The following KDM5B variants were observed in gnomAD, a reference collection of about 807,000 sequenced individuals.
The protein encoded by KDM5B is lysine-specific demethylase 5B.
A neutral mutation model predicts 193.4 loss-of-function variants in KDM5B; 144 were observed. The ratio of observed to expected loss-of-function variants is 0.74; its 90% confidence interval spans 0.65 to 0.86. KDM5B has a LOEUF of 0.86. KDM5B is among the 40% of genes least tolerant of loss of function. The probability of loss-of-function intolerance (pLI) is 0.00; values close to 1 mark genes in which losing one functional copy is unlikely to be tolerated. For synonymous variants in KDM5B, 668 were observed against 682.6 expected, an observed-to-expected ratio of 0.98 and a Z score of 0.33; for missense variants, 1,833 against 1,886.9, an observed-to-expected ratio of 0.97 and a Z score of 0.53.
At chr1:202,794,094 C>A (rs1657745358) in intron 1 of KDM5B, among the ~76,000 whole-genome samples, 1 of 152,216 alleles carries the variant, frequency 6.6e-6, no homozygotes. Context: ...GTATAAACTT[C>A]TCTTATATCC....
rs932231086 is a variant in KDM5B, at chr1:202,792,242, A to C, written c.205-15148T>G. On this transcript the variant is annotated intron_variant, in intron 1 of 26. Transcript: ENST00000367265. ...TATATTTTGAGGGATTTTGGTGTTT[A>C]GATTTTTTTTTTTTTTTTGAGAATT... Among the ~76,000 whole-genome samples the C allele has an allele frequency of 6.0e-5, 9 of 149,402 alleles. No homozygotes were observed. The East Asian group carries it at 1.6e-3, about 27-fold the overall frequency.
intron 1 of KDM5B, among the ~76,000 whole-genome samples, chr1:202,788,593 T>C (rs1657510765): frequency 6.9e-6 from 1 of 145,008 alleles, no homozygotes; most frequent in South Asian, 2.2e-4. Flanking sequence ...GGTATTGGTA[T>C]TGGTAGGTCC....
chr1:202,750,690 G>C lies in KDM5B; in HGVS notation c.1790C>G (p.Ala597Gly). The C allele has an allele frequency of 6.2e-7, 1 of 1,613,888 alleles. No individual in the cohort carries two copies. Among genetic ancestry groups the C allele is most frequent in the Non-Finnish European group, 8.5e-7 (1 of 1,179,832 alleles). The change falls in exon 13 of 27, where the codon GCT becomes GGT. Residue 597 changes from alanine to glycine, a missense_variant. By Grantham distance (60) the Ala-to-Gly change is moderately conservative (BLOSUM62 0). Coordinates refer to ENST00000367265, the MANE Select transcript of KDM5B (RefSeq NM_006618.5). ...HSGFNQGFNF[A>G]EAVNFCTVDW... The stretch of plus-strand genomic sequence containing the variant: ...AACAGTGCAGAAGTTAACAGCCTCA[G>C]CAAAATTAAAACCCTGGTTAAAACC...
At chr1:202,760,374 A>T (rs756936485) in intron 8 of KDM5B, 41 bp downstream of exon 8, 9 of 1,445,476 alleles carry the variant, frequency 6.2e-6, no homozygotes, top group Non-Finnish European at 7.5e-6. Context: ...AAAATGCCCT[A>T]AAAAAATTTT....
chr1:202,744,298 G>A (rs1325066291), intron 16 of KDM5B, among the ~76,000 whole-genome samples: 1 of 152,190 alleles, frequency 6.6e-6, no homozygotes, highest in East Asian at 1.9e-4. Flanking sequence ...AGTGGCTCAC[G>A]CCTGTAATCC....
rs148390541 is a variant in KDM5B, at chr1:202,730,193, C to T, written c.4177-166G>A. On this transcript the variant is annotated intron_variant, in intron 25 of 26. Coordinates refer to ENST00000367265, the MANE Select transcript of KDM5B (RefSeq NM_006618.5). ...CCCCTCCCAGTCTTGTATAAGACAA[C>T]CAGTTTGGGTTTAACATACTTCCTT... Among the ~76,000 whole-genome samples, 132 of 152,236 alleles carry T rather than the reference C, an allele frequency of 8.7e-4. No individual in the cohort carries two copies. The Middle Eastern group carries it at 0.01, about 12-fold the overall frequency.
chr1:202,783,526 A>C (rs917906228), intron 1 of KDM5B, among the ~76,000 whole-genome samples: 4 of 152,130 alleles, frequency 2.6e-5, no homozygotes, highest in Non-Finnish European at 4.4e-5. Flanking sequence ...AACAAACAAA[A>C]AAACTTGAAA....
At chr1:202,787,944 G>A (rs918467311) in intron 1 of KDM5B, among the ~76,000 whole-genome samples, 1 of 151,884 alleles carries the variant, frequency 6.6e-6, no homozygotes, top group Non-Finnish European at 1.5e-5. Context: ...CAGATATTTA[G>A]CTGAAAGGGG....
In KDM5B at chr1:202,760,483, AG is replaced by A. The variant is rs1219170175; in HGVS notation, c.1008del (p.Cys338AlafsTer2). 6.2e-7 allele frequency: 1 copy of A among 1,613,588 alleles called. No individual in the cohort carries two copies. ...TCATGGAGAGGTGGGATCAAGCAAA[AG>A]GTATGGTAACTGTCATCACAGCCAT... ...LCDGCDDSYHTFCLIPPLHDV... is the reference protein window; with the variant it reads ...LCDGCDDSYHXFCLIPPLHDV... On this transcript the variant is annotated frameshift_variant, in exon 8 of 27. Transcript: ENST00000367265. LOFTEE classifies it high-confidence loss of function.
At chr1:202,755,987 A>G (rs1178510492) in intron 10 of KDM5B, among the ~76,000 whole-genome samples, 1 of 152,118 alleles carries the variant, frequency 6.6e-6, no homozygotes, top group Non-Finnish European at 1.5e-5. Context: ...CCAAAAAAAA[A>G]AAAAAATCAC....
At chr1:202,799,249 T>C (rs539469324) in intron 1 of KDM5B, among the ~76,000 whole-genome samples, 1 of 152,330 alleles carries the variant, frequency 6.6e-6, no homozygotes, top group South Asian at 2.1e-4. Flanking sequence ...GAAAAATGAC[T>C]TTGTCCAAGG....
Position 202,756,385 on chromosome 1 carries a change from C to T in KDM5B, c.1329G>A (p.Gly443=). ...CTTCCTCAGGTGAGAGTTTGATTTT[C>T]CCATCTCGGACAGGAAAGCCACTGC... ...EFGSGFPVRD[G]KIKLSPEEEE... Residue 443 remains glycine, a synonymous_variant, in exon 10 of 27, where the codon GGG becomes GGA. Coordinates refer to ENST00000367265, the MANE Select transcript of KDM5B (RefSeq NM_006618.5). 5 of 1,611,644 alleles carry T rather than the reference C, an allele frequency of 3.1e-6. No individual in the cohort carries two copies. The highest frequency in any genetic ancestry group is 4.2e-6 in the Non-Finnish European group (5 of 1,178,956).
chr1:202,729,750 G>A lies in KDM5B; in HGVS notation c.4454C>T (p.Ala1485Val). ...CAGGCAGCTCACAGCTGGGCAGATG[G>A]CATCTTCATCCTCAGAGTCTTCCTG... The part of the protein sequence containing the change: ...SEQEDSEDED[A>V]ICPAVSCLQP... The change falls in exon 26 of 27, where the codon GCC becomes GTC. Residue 1485 changes from alanine (A) to valine (V), a missense_variant. Coordinates refer to ENST00000367265, the MANE Select transcript of KDM5B (RefSeq NM_006618.5). The A allele has an allele frequency of 6.2e-7, 1 of 1,614,120 alleles. No individual in the cohort carries two copies.
rs1264413738 is a variant in KDM5B, at chr1:202,808,337, T to C, written c.-32A>G. ...AGGCTGGGCAAGGGCGAGGCGAAGGTGGGCTCCGGGACCGAGGCTGCGAGC... is the reference window on the plus strand; with the variant it reads ...AGGCTGGGCAAGGGCGAGGCGAAGGCGGGCTCCGGGACCGAGGCTGCGAGC... On this transcript the variant is annotated 5_prime_UTR_variant, in exon 1 of 27. Transcript: ENST00000367265. The C allele has an allele frequency of 6.5e-7, 1 of 1,536,814 alleles. No individual in the cohort carries two copies. Among genetic ancestry groups the C allele is most frequent in the Admixed American group, 2.1e-5 (1 of 48,682 alleles).
intron 4 of KDM5B, among the ~76,000 whole-genome samples, chr1:202,770,894 C>T (rs1308623804): frequency 6.6e-6 from 1 of 152,220 alleles, no homozygotes; most frequent in African/African-American, 2.4e-5. Context: ...TCACAAATAT[C>T]TACCTATATT....
intron 4 of KDM5B, among the ~76,000 whole-genome samples, chr1:202,768,977 G>C (rs961115227): frequency 2.6e-5 from 4 of 151,344 alleles, no homozygotes; most frequent in African/African-American, 9.7e-5. Flanking sequence ...GCCTCCCAAA[G>C]TGCTGGGATT....
At chr1:202,769,285 C>T (rs776076591) in intron 4 of KDM5B, among the ~76,000 whole-genome samples, 1 of 151,154 alleles carries the variant, frequency 6.6e-6, no homozygotes, top group Non-Finnish European at 1.5e-5. Flanking sequence ...ATCCACCTGC[C>T]TCAGCCTCCC....
chr1:202,808,400 C>G lies in KDM5B; in HGVS notation c.-95G>C. ...GAGACCCGTGCAGACGCGGCTCGAG[C>G]AACAGCAAGTCCGAGTTGTACGGGC... On this transcript the variant is annotated 5_prime_UTR_variant, in exon 1 of 27. Coordinates refer to ENST00000367265, the MANE Select transcript of KDM5B (RefSeq NM_006618.5). 1 of 1,167,928 alleles carries G rather than the reference C, an allele frequency of 8.6e-7. No individual in the cohort carries two copies. Among genetic ancestry groups the G allele is most frequent in the Non-Finnish European group, 1.2e-6 (1 of 852,274 alleles). The allele number at this position is 1,167,928 out of a possible 1,614,324, so 72.3% of individuals were successfully genotyped here.
rs149029506 is a variant in KDM5B, at chr1:202,748,953, G to A, written c.2008C>T (p.Arg670Cys). ...EDEKALRETV[R>C]KLGVIDSERM... The stretch of plus-strand genomic sequence containing the variant: ...ATTTCCATAAGCCTTACCAATTTAC[G>A]GACAGTTTCTCTTAAAGCTTTCTCA... Residue 670 changes from arginine (R) to cysteine (C), a missense_variant, in exon 14 of 27, where the codon CGT (arginine) becomes TGT (cysteine). By Grantham distance (180) the Arg-to-Cys change is radical. This residue lies in a region of KDM5B where 1,379 missense variants were observed against 1,349.6 expected (regional missense o/e 1.02). Transcript: ENST00000367265. 3.1e-6 allele frequency: 5 copies of A among 1,609,026 alleles called. No individual in the cohort carries two copies. The African/African-American group carries it at 4.0e-5, about 13-fold the overall frequency.
Sources: gnomAD v4.1 joint callset for allele counts (sites outside exome capture counted in the v4.1 genomes callset) on GRCh38, gnomAD v4.1.1 for gene constraint, gnomAD v4.1.1 regional missense constraint, MANE v1.5 for transcripts, NCBI Gene and HGNC (gene_info 2026-07-23, HGNC 2026-07-21) for gene names.